The following MYCBP2 variants were observed in gnomAD, a reference collection of about 807,000 sequenced individuals.
MYCBP2 encodes the protein E3 ubiquitin-protein ligase MYCBP2.
In MYCBP2, 120 loss-of-function variants were observed where a neutral mutation model predicts 525.3. That is an observed-to-expected ratio of 0.23 (90% CI 0.20 to 0.27). The LOEUF is 0.27. Among genes scored for constraint, MYCBP2 ranks in the 10% least tolerant of loss-of-function variants. The pLI, the probability that MYCBP2 is intolerant of heterozygous loss-of-function variation, is 1.00. For missense variants in MYCBP2, 4,149 were observed against 5,657.1 expected (o/e 0.73, Z 8.55); for synonymous variants, 1,894 against 1,955.8 (o/e 0.97, Z 0.83).
chr13:77,246,523 G>C (rs1167719571), intron 15 of MYCBP2, among the ~76,000 whole-genome samples: 1 of 150,298 alleles, frequency 6.7e-6, no homozygotes, highest in Non-Finnish European at 1.5e-5. Flanking sequence ...AGGAGGAGAA[G>C]GAGGAAAAGA....
Position 77,081,045 on chromosome 13 carries a change from A to T in MYCBP2, c.11418+382T>A, listed in dbSNP as rs565244008. On this transcript the variant is annotated intron_variant, in intron 65 of 82. Transcript: ENST00000544440. This position sits in a 1 kb window ranked among gnomAD's most constrained non-coding sequence, Gnocchi z 4.6. ...GCAGAGGGAAAGAGTAATTTTTTAG[A>T]GGAGTTACTTAGAATTTCTCTGCTG... is the stretch of plus-strand genomic sequence containing the variant. 4.2e-4 allele frequency: 72 copies of T among 172,934 alleles called. No homozygotes were observed. The highest frequency in any genetic ancestry group is 1.7e-3 in the African/African-American group (70 of 42,126). 10.7% of individuals were successfully genotyped at this position (172,934 alleles called of 1,614,324 possible).
intron 1 of MYCBP2, among the ~76,000 whole-genome samples, chr13:77,303,544 G>A (rs1273128481): frequency 4.0e-5 from 6 of 151,598 alleles, no homozygotes; most frequent in Non-Finnish European, 7.4e-5. Flanking sequence ...AAAATTAAAC[G>A]AGAAATTAAA....
chr13:77,270,413 T>C lies in MYCBP2; in HGVS notation c.1071A>G (p.Lys357=), dbSNP rs763880778. The C allele has an allele frequency of 1.9e-6, 3 of 1,613,846 alleles. No individual in the cohort carries two copies. The highest frequency in any genetic ancestry group is 2.5e-6 in the Non-Finnish European group (3 of 1,179,838). Residue 357 remains lysine (K), a synonymous_variant, in exon 6 of 83, where the codon AAA becomes AAG. Coordinates refer to ENST00000544440, the MANE Select transcript of MYCBP2 (RefSeq NM_015057.5). Reference sequence around the variant, plus strand: ...GGTCATCTTCATCAACAGATATTTCTTTTAATGGCCACTTGTGCATTAAAG... The same window carrying C: ...GGTCATCTTCATCAACAGATATTTCCTTTAATGGCCACTTGTGCATTAAAG... ...KAALMHKWPL[K]EISVDEDDQC...
At chr13:77,056,264 TA>T (rs980288924) in intron 79 of MYCBP2, among the ~76,000 whole-genome samples, 2 of 152,138 alleles carry the variant, frequency 1.3e-5, no homozygotes, top group African/African-American at 4.8e-5. Flanking sequence ...CACCATATGA[TA>T]GGGGAGAGCA....
chr13:77,308,501 C>T lies in MYCBP2; in HGVS notation c.303-11827G>A, dbSNP rs960561443. 2.0e-5 allele frequency among the ~76,000 whole-genome samples: 3 copies of T among 152,194 alleles called. No homozygotes were observed. The South Asian group carries it at 6.2e-4, about 31-fold the overall frequency. On this transcript the variant is annotated intron_variant, in intron 1 of 82. Transcript: ENST00000544440. ...CTGTGCCTCAGTTCTCTCATCCATA[C>T]AATAGGGTGAAAACAGTACCTCTCC...
chr13:77,151,728 C>CA (rs2056484659), intron 46 of MYCBP2, among the ~76,000 whole-genome samples: 1 of 152,176 alleles, frequency 6.6e-6, no homozygotes, highest in Admixed American at 6.5e-5. Context: ...ATTTCTTCAA[C>CA]AAAACGGGAC....
chr13:77,069,340 G>C (rs2040729589), intron 69 of MYCBP2, among the ~76,000 whole-genome samples: 1 of 152,170 alleles, frequency 6.6e-6, no homozygotes, highest in South Asian at 2.1e-4. Context: ...AGTTAGAATA[G>C]GGCTGGGTGC....
At chr13:77,269,070 G>C (rs1003942162) in intron 7 of MYCBP2, among the ~76,000 whole-genome samples, 3 of 152,158 alleles carry the variant, frequency 2.0e-5, no homozygotes, top group Admixed American at 6.5e-5. Context: ...CTCCATAAGA[G>C]GAGTAATGTA....
chr13:77,125,176 C>A (rs1003804326), intron 54 of MYCBP2, among the ~76,000 whole-genome samples, 160 bp downstream of exon 54: 5 of 152,166 alleles, frequency 3.3e-5, no homozygotes, highest in Admixed American at 3.3e-4. Flanking sequence ...ACGTATTTTA[C>A]AAACCAATTT....
intron 55 of MYCBP2, among the ~76,000 whole-genome samples, chr13:77,115,676 A>C (rs1187779777): frequency 3.3e-5 from 5 of 151,450 alleles, no homozygotes; most frequent in Admixed American, 3.3e-4. Flanking sequence ...TGTAAAAACT[A>C]TGATTCGGAA....
At chr13:77,252,451 A>G (rs2071382308) in intron 14 of MYCBP2, among the ~76,000 whole-genome samples, 1 of 152,222 alleles carries the variant, frequency 6.6e-6, no homozygotes, top group African/African-American at 2.4e-5. Flanking sequence ...ATAAAAATGT[A>G]AACTACAACT....
chr13:77,152,030 A>G (rs1344272204), intron 46 of MYCBP2, among the ~76,000 whole-genome samples: 1 of 152,232 alleles, frequency 6.6e-6, no homozygotes, highest in Non-Finnish European at 1.5e-5. Flanking sequence ...TGTCACAGAA[A>G]TAGAAAAAGT....
In MYCBP2 at chr13:77,061,643, C is replaced by T; in HGVS notation, c.12903+19G>A. 1 of 1,606,948 alleles carries T rather than the reference C, an allele frequency of 6.2e-7. No homozygotes were observed. The highest frequency in any genetic ancestry group is 8.5e-7 in the Non-Finnish European group (1 of 1,178,104). ...AATTCACTGAACATATTTTATGCTC[C>T]AGAGACAAAAATCTTCACCTGTCTT... On this transcript the variant is annotated intron_variant, in intron 75 of 82. Transcript: ENST00000544440.
chr13:77,293,756 G>C (rs990933628), intron 2 of MYCBP2, among the ~76,000 whole-genome samples: 2 of 152,062 alleles, frequency 1.3e-5, no homozygotes, highest in Non-Finnish European at 2.9e-5. Flanking sequence ...TGGCTTTGAA[G>C]ATGGAAGGGG....
chr13:77,165,187 A>G, intron 42 of MYCBP2, 86 bp downstream of exon 42: 1 of 1,186,282 alleles, frequency 8.4e-7, no homozygotes, highest in Non-Finnish European at 1.2e-6. Flanking sequence ...AGGCAACAGT[A>G]CAATTTAAGT....
At chr13:77,155,964 A>G in intron 46 of MYCBP2, 94 bp downstream of exon 46, 1 of 1,226,182 alleles carries the variant, frequency 8.2e-7, no homozygotes, top group Non-Finnish European at 1.1e-6. Context: ...AGAGGGTAGA[A>G]CAAATGGACT....
chr13:77,073,894 CCT>C (rs755335978), intron 68 of MYCBP2, among the ~76,000 whole-genome samples: 3 of 152,000 alleles, frequency 2.0e-5, no homozygotes, highest in East Asian at 3.9e-4. Context: ...TAAGAAAACC[CCT>C]GATACATATC....
At chr13:77,170,577 CT>C (rs1157749294) in intron 38 of MYCBP2, among the ~76,000 whole-genome samples, 3,543 of 138,876 alleles carry the variant, frequency 0.026, 48 homozygotes, top group Middle Eastern at 0.073. Flanking sequence ...GTGGAGGTAA[CT>C]TTTTTTTTTT....
At chr13:77,111,561 T>C (rs1470377610) in intron 55 of MYCBP2, among the ~76,000 whole-genome samples, 1 of 148,964 alleles carries the variant, frequency 6.7e-6, no homozygotes, top group East Asian at 2.0e-4. Flanking sequence ...GGAATATAGG[T>C]GCAGCCCTCA....
Sources: allele counts gnomAD v4.1 joint callset (sites outside exome capture counted in the v4.1 genomes callset), GRCh38; gene constraint gnomAD v4.1.1; non-coding constraint Gnocchi (gnomAD v3.1); transcripts MANE v1.5; gene names NCBI Gene and HGNC (gene_info 2026-07-23, HGNC 2026-07-21).